The following ANAPC11 variants were observed in gnomAD, a reference collection of about 807,000 sequenced individuals.
ANAPC11 encodes anaphase-promoting complex subunit 11.
In ANAPC11, 5 loss-of-function variants were observed where a neutral mutation model predicts 11.8. The ratio of observed to expected loss-of-function variants is 0.42; its 90% CI spans 0.22 to 0.89. The LOEUF is 0.89. Among genes scored for constraint, ANAPC11 ranks in the 40% least tolerant of loss-of-function variants. The pLI is 0.28. For missense variants in ANAPC11, 68 were observed against 112.9 expected (o/e 0.60, Z 1.80); for synonymous variants, 45 against 41.0 (o/e 1.10, Z -0.38).
chr17:81,896,895 C>G (rs2039764848), intron 3 of ANAPC11, among the ~76,000 whole-genome samples: 1 of 151,130 alleles, frequency 6.6e-6, no homozygotes, highest in African/African-American at 2.4e-5. Context: ...TCACCGCAAC[C>G]CCCACCCTTC....
Position 81,894,573 on chromosome 17 carries a change from A to T in ANAPC11, c.96A>T (p.Gly32=), listed in dbSNP as rs192804905. 433 of 1,608,918 alleles carry T rather than the reference A, an allele frequency of 2.7e-4. No individual in the cohort carries two copies. The highest frequency in any genetic ancestry group is 3.5e-4 in the Non-Finnish European group (413 of 1,176,750). ...GCATCTGCAGGATGGCATTTAACGG[A>T]TGCTGCCCTGACTGTGAGTGTCCCC... The part of the protein sequence containing the change: ...NCGICRMAFN[G]CCPDCKVPGD... Residue 32 remains glycine (G), a synonymous_variant, in exon 3 of 4, where the codon GGA becomes GGT. Coordinates refer to ENST00000344877, the MANE Select transcript of ANAPC11 (RefSeq NM_001002248.3).
At chr17:81,892,279 C>A (rs1033276033) in intron 1 of ANAPC11, among the ~76,000 whole-genome samples, 1 of 151,844 alleles carries the variant, frequency 6.6e-6, no homozygotes, top group African/African-American at 2.4e-5. Flanking sequence ...TTGAGACCAG[C>A]CGGGGCAACA....
At chr17:81,891,352 C>A (rs1251360652), upstream of ANAPC11, 13 of 1,157,702 alleles carry the variant, frequency 1.1e-5, no homozygotes, top group Non-Finnish European at 1.4e-5. Context: ...CGGTTCCTGC[C>A]GCCTCCGCCG....
chr17:81,894,715 C>CTTTT (rs529200093), intron 3 of ANAPC11, 129 bp downstream of exon 3: 14 of 362,460 alleles, frequency 3.9e-5, no homozygotes, highest in South Asian at 8.7e-5. Context: ...GTTTCATTTT[C>CTTTT]TTTTTTTTTT....
intron 3 of ANAPC11, 88 bp downstream of exon 3, chr17:81,894,674 G>T (rs975199686): frequency 1.4e-5 from 10 of 707,680 alleles, no homozygotes; most frequent in Non-Finnish European, 2.2e-5. Flanking sequence ...AGCCTCAGTA[G>T]CTCCTGTTAA....
chr17:81,890,868 G>T (rs1255815464), upstream of ANAPC11: 7 of 1,613,196 alleles, frequency 4.3e-6, no homozygotes, highest in South Asian at 7.7e-5. Flanking sequence ...CTCAGTCCAG[G>T]GCTTTCCTGA....
upstream of ANAPC11, chr17:81,891,411 C>G: frequency 9.6e-7 from 1 of 1,045,272 alleles, no homozygotes; most frequent in Non-Finnish European, 1.1e-6. Flanking sequence ...CCCGCCGCCT[C>G]GATTCACTCG....
At chr17:81,900,274 C>T (rs2143590344), downstream of ANAPC11, 2 of 705,874 alleles carry the variant, frequency 2.8e-6, no homozygotes, top group East Asian at 2.9e-5. Flanking sequence ...CTCTGGGTGC[C>T]TGTGTTCTCG....
intron 3 of ANAPC11, among the ~76,000 whole-genome samples, chr17:81,897,643 A>AT (rs1436406087): frequency 6.6e-6 from 1 of 151,884 alleles, no homozygotes; most frequent in African/African-American, 2.4e-5. Flanking sequence ...TGCCTGGCTA[A>AT]TTTTTTATTT....
intron 2 of ANAPC11, chr17:81,894,263 TA>T: frequency 2.7e-6 from 1 of 367,730 alleles, no homozygotes. Context: ...AAAAAATTAA[TA>T]AAAATAAAAG....
At chr17:81,899,841 C>T in intron 3 of ANAPC11, 79 bp from the exon 4 acceptor site, 1 of 1,436,004 alleles carries the variant, frequency 7.0e-7, no homozygotes, top group South Asian at 1.3e-5. Flanking sequence ...GGGTCCCTAC[C>T]TGCACCCCTG....
Position 81,892,660 on chromosome 17 carries a change from C to T in ANAPC11, c.-75+819C>T, listed in dbSNP as rs1036792552. ...GCGGCAGCCTCCCGAGTAGCTGGGACTACAGGCACGTGCCACCATACCTGG... is the reference window on the plus strand; with the variant it reads ...GCGGCAGCCTCCCGAGTAGCTGGGATTACAGGCACGTGCCACCATACCTGG... On this transcript the variant is annotated intron_variant, in intron 1 of 3. Transcript: ENST00000344877. Among the ~76,000 whole-genome samples, 116 of 149,662 alleles carry T rather than the reference C, an allele frequency of 7.8e-4. 1 individual carries two copies. The highest frequency in any genetic ancestry group is 2.0e-3 in the Admixed American group (30 of 15,056).
intron 3 of ANAPC11, chr17:81,899,561 T>C (rs1395169735): frequency 1.2e-6 from 2 of 1,606,794 alleles, no homozygotes; most frequent in South Asian, 2.2e-5. Flanking sequence ...TTGCCCTTTT[T>C]CCCCAGCCTC....
chr17:81,899,451 C>T, intron 3 of ANAPC11: 6 of 1,614,024 alleles, frequency 3.7e-6, no homozygotes, highest in Non-Finnish European at 5.1e-6. Context: ...CAGTTCACTA[C>T]TCAGATGCAC....
At chr17:81,896,226 G>A (rs1449891200) in intron 3 of ANAPC11, among the ~76,000 whole-genome samples, 1 of 152,098 alleles carries the variant, frequency 6.6e-6, no homozygotes, top group Non-Finnish European at 1.5e-5. Context: ...TTTGAGACCA[G>A]CCTGGCCAAC....
Position 81,900,175 on chromosome 17 carries a change from C to A in ANAPC11, c.*110C>A. The A allele has an allele frequency of 6.7e-7, 1 of 1,499,200 alleles. No homozygotes were observed. The highest frequency in any genetic ancestry group is 9.0e-7 in the Non-Finnish European group (1 of 1,109,624). The allele number at this position is 1,499,200 out of a possible 1,614,324, so 92.9% of individuals were successfully genotyped here. A position where few individuals can be genotyped will look rare whatever the true frequency, so the allele number is the denominator to read the frequency against. ...AGCTGCAACAAGGTGGAAACAAGGGCTGGAGCTGCGTTTGTTTTGCCATCA... is the reference window on the plus strand; with the variant it reads ...AGCTGCAACAAGGTGGAAACAAGGGATGGAGCTGCGTTTGTTTTGCCATCA... On this transcript the variant is annotated 3_prime_UTR_variant, in exon 4 of 4. Coordinates refer to ENST00000344877, the MANE Select transcript of ANAPC11 (RefSeq NM_001002248.3).
At chr17:81,891,705 G>A (rs946553920), upstream of ANAPC11, 15 of 920,260 alleles carry the variant, frequency 1.6e-5, no homozygotes, top group African/African-American at 2.7e-4. Context: ...CGCGGGACGG[G>A]GTGAGGCGGG....
At chr17:81,899,412 C>A (rs754466058) in intron 3 of ANAPC11, 9 of 1,613,988 alleles carry the variant, frequency 5.6e-6, no homozygotes, top group South Asian at 1.1e-5. Flanking sequence ...GTCCCCAGAC[C>A]CCACCCCTCC....
upstream of ANAPC11, chr17:81,891,556 C>T (rs921630412): frequency 2.1e-6 from 3 of 1,437,224 alleles, no homozygotes; most frequent in Non-Finnish European, 2.7e-6. Flanking sequence ...ATTTTGTCGG[C>T]CATGGCGGGC....
Sources: gnomAD v4.1 joint callset for allele counts (sites outside exome capture counted in the v4.1 genomes callset) on GRCh38, gnomAD v4.1.1 for gene constraint, MANE v1.5 for transcripts, NCBI Gene and HGNC (gene_info 2026-07-23, HGNC 2026-07-21) for gene names.